CACNB2: variants seen among roughly 807,000 people sequenced by gnomAD.
The protein encoded by CACNB2 is voltage-dependent L-type calcium channel subunit beta-2.
A neutral mutation model predicts 73.3 loss-of-function variants in CACNB2; 42 were observed. The observed-to-expected ratio is 0.57, with a 90% CI of 0.45 to 0.74. The LOEUF (loss-of-function observed/expected upper bound fraction) is 0.74, where lower values mean the gene tolerates loss of function less well. CACNB2 is among the 30% of genes least tolerant of loss of function. The probability of loss-of-function intolerance (pLI) is 0.00; values close to 1 mark genes in which losing one functional copy is unlikely to be tolerated. For synonymous variants in CACNB2, 348 were observed against 310.3 expected, an observed-to-expected ratio of 1.12 and a Z score of -1.28; for missense variants, 940 against 853.0, an observed-to-expected ratio of 1.10 and a Z score of -1.27.
intron 2 of CACNB2, among the ~76,000 whole-genome samples, chr10:18,381,795 A>G (rs2043030629): frequency 6.6e-6 from 1 of 152,020 alleles, no homozygotes; most frequent in South Asian, 2.1e-4. Context: ...CGTATATTAC[A>G]TCATGCTGTA....
At chr10:18,244,789 A>G (rs1020028993) in intron 2 of CACNB2, among the ~76,000 whole-genome samples, 1 of 152,242 alleles carries the variant, frequency 6.6e-6, no homozygotes, top group East Asian at 1.9e-4. Flanking sequence ...TATGTGGCAA[A>G]TAAAATTTTG....
In CACNB2 at chr10:18,539,543, G is replaced by C; in HGVS notation, c.1802G>C (p.Arg601Thr). ...GAGACCCACGGGAGCAGTGACCACA[G>C]ACACAGGGAGTCCCGGCACCGTTCC... ...RDETHGSSDH[R>T]HRESRHRSRD... The change falls in exon 14 of 14, where the codon AGA becomes ACA. Residue 601 changes from arginine (R) to threonine (T), a missense_variant. Physicochemically the swap from Arg to Thr is moderately conservative, Grantham distance 71. Coordinates refer to ENST00000324631, the MANE Select transcript of CACNB2 (RefSeq NM_201596.3). The C allele has an allele frequency of 6.2e-7, 1 of 1,613,722 alleles. No homozygotes were observed. Among genetic ancestry groups the C allele is most frequent in the Non-Finnish European group, 8.5e-7 (1 of 1,179,966 alleles).
intron 2 of CACNB2, among the ~76,000 whole-genome samples, chr10:18,358,418 C>T (rs150736078): frequency 4.3e-4 from 65 of 151,328 alleles, no homozygotes; most frequent in African/African-American, 1.6e-3. Context: ...GTTTACTGAG[C>T]AACTAGTATA....
intron 2 of CACNB2, among the ~76,000 whole-genome samples, chr10:18,358,586 A>G (rs529555855): frequency 7.8e-6 from 1 of 128,706 alleles, no homozygotes; most frequent in African/African-American, 3.0e-5. Flanking sequence ...CTGCTTTGTG[A>G]TTGCAGTATG....
chr10:18,415,525 G>T (rs1338776006), intron 3 of CACNB2, among the ~76,000 whole-genome samples: 1 of 151,936 alleles, frequency 6.6e-6, no homozygotes, highest in African/African-American at 2.4e-5. Flanking sequence ...TGGCAAATGG[G>T]TGGACCCCAA....
intron 2 of CACNB2, among the ~76,000 whole-genome samples, chr10:18,241,496 A>T (rs981971440): frequency 9.2e-5 from 14 of 152,046 alleles, no homozygotes; most frequent in Non-Finnish European, 1.6e-4. Flanking sequence ...TGACGGGTTG[A>T]TGGGTGCAGC....
intron 2 of CACNB2, among the ~76,000 whole-genome samples, chr10:18,253,535 C>A (rs2037169190): frequency 6.6e-6 from 1 of 152,120 alleles, no homozygotes; most frequent in African/African-American, 2.4e-5. Context: ...AAATGTTACA[C>A]TATGAATAGC....
intron 3 of CACNB2, among the ~76,000 whole-genome samples, chr10:18,491,034 G>A (rs533715567): frequency 1.3e-5 from 2 of 152,306 alleles, no homozygotes; most frequent in African/African-American, 4.8e-5. Context: ...TCTTATCACA[G>A]TGCCCACTGT....
At chr10:18,148,237 G>A (rs1485266556) in intron 1 of CACNB2, among the ~76,000 whole-genome samples, 1 of 152,118 alleles carries the variant, frequency 6.6e-6, no homozygotes, top group Non-Finnish European at 1.5e-5. Flanking sequence ...TAAGGCATGA[G>A]CAAATGAATA....
chr10:18,475,146 G>A (rs1409205), intron 3 of CACNB2, among the ~76,000 whole-genome samples: 146,190 of 151,104 alleles, frequency 0.97, 70,741 homozygotes, highest in African/African-American at 0.99. Flanking sequence ...CATCCATGCC[G>A]TATCTAGGTA....
chr10:18,228,445 A>G (rs12261790), intron 2 of CACNB2, among the ~76,000 whole-genome samples: 1 of 148,160 alleles, frequency 6.7e-6, no homozygotes, highest in African/African-American at 2.5e-5. Context: ...AAAAAAAAAA[A>G]AAAAGAAAAA....
chr10:18,378,981 G>A (rs2042910653), intron 2 of CACNB2, among the ~76,000 whole-genome samples: 1 of 152,148 alleles, frequency 6.6e-6, no homozygotes. Flanking sequence ...GTGTTCCAAA[G>A]CCAGGAACCC....
At chr10:18,325,989 G>C (rs565254222) in intron 2 of CACNB2, among the ~76,000 whole-genome samples, 5 of 151,934 alleles carry the variant, frequency 3.3e-5, no homozygotes, top group Admixed American at 3.3e-4. Flanking sequence ...AAACTCCTGG[G>C]CTCCCAAAGC....
intron 3 of CACNB2, among the ~76,000 whole-genome samples, chr10:18,465,056 A>T (rs966241896): frequency 5.3e-5 from 8 of 152,320 alleles, no homozygotes; most frequent in Admixed American, 2.6e-4. Context: ...ACAGCCGGGC[A>T]TGGTGGCTCA....
intron 1 of CACNB2, among the ~76,000 whole-genome samples, chr10:18,142,921 G>A (rs1408849346): frequency 6.6e-6 from 1 of 152,192 alleles, no homozygotes; most frequent in East Asian, 1.9e-4. Context: ...GGAGGAATCT[G>A]TAAGGACTTC....
intron 2 of CACNB2, among the ~76,000 whole-genome samples, chr10:18,369,802 G>A (rs1162813733): frequency 6.6e-6 from 1 of 152,152 alleles, no homozygotes; most frequent in African/African-American, 2.4e-5. Flanking sequence ...AGCTACTCAG[G>A]AGGCTGAGGC....
At chr10:18,434,423 C>T (rs2046034775) in intron 3 of CACNB2, among the ~76,000 whole-genome samples, 1 of 152,016 alleles carries the variant, frequency 6.6e-6, no homozygotes, top group African/African-American at 2.4e-5. Context: ...CAGGAAGTTT[C>T]CAGAATTACT....
intron 11 of CACNB2, 62 bp from the exon 12 acceptor site, chr10:18,536,039 T>C (rs890894185): frequency 1.2e-4 from 114 of 969,596 alleles, no homozygotes; most frequent in Middle Eastern, 2.1e-4. Context: ...GAGTCAATAA[T>C]GTACCTTGTA....
chr10:18,537,734 G>C (rs2053740941), intron 12 of CACNB2, among the ~76,000 whole-genome samples: 1 of 142,364 alleles, frequency 7.0e-6, no homozygotes, highest in African/African-American at 2.5e-5. Context: ...CCAAGATCAG[G>C]CCACTGCACT....
Sources: gnomAD v4.1 joint callset for allele counts (sites outside exome capture counted in the v4.1 genomes callset) on GRCh38, gnomAD v4.1.1 for gene constraint, MANE v1.5 for transcripts, NCBI Gene and HGNC (gene_info 2026-07-23, HGNC 2026-07-21) for gene names.